Variants in TULP4 observed in about 807,000 individuals in gnomAD.
TULP4 encodes TUB like protein 4.
In TULP4, 16 loss-of-function variants were observed where a neutral mutation model predicts 129.0. The observed-to-expected ratio is 0.12, with a 90% CI of 0.08 to 0.19. The LOEUF (loss-of-function observed/expected upper bound fraction) is 0.19. Among genes scored for constraint, TULP4 ranks in the 10% least tolerant of loss-of-function variants. TULP4 has a pLI of 1.00. For synonymous variants in TULP4, 998 were observed against 854.0 expected, an observed-to-expected ratio of 1.17 and a Z score of -2.94; for missense variants, 1,842 against 2,059.1, an observed-to-expected ratio of 0.89 and a Z score of 2.04.
chr6:158,322,109 A>C (rs1402472262), intron 1 of TULP4, among the ~76,000 whole-genome samples: 1 of 152,218 alleles, frequency 6.6e-6, no homozygotes, highest in East Asian at 1.9e-4. Context: ...TTTTATTTTG[A>C]AACATTTATA....
chr6:158,271,500 A>G (rs941841713), intron 1 of TULP4, among the ~76,000 whole-genome samples: 8 of 150,924 alleles, frequency 5.3e-5, no homozygotes, highest in Admixed American at 4.0e-4. Flanking sequence ...GTGTGCCATC[A>G]TAACTTGCTG....
In TULP4 at chr6:158,452,224, A is replaced by G. The variant is rs149734049; in HGVS notation, c.815A>G (p.Asn272Ser). The G allele has an allele frequency of 4.9e-4, 786 of 1,614,092 alleles. No individual in the cohort carries two copies. Among genetic ancestry groups the G allele is most frequent in the Non-Finnish European group, 6.0e-4 (710 of 1,180,050 alleles). Reference protein sequence around the residue: ...FTSGDISLMNNYDDLSPTVIR... With the variant: ...FTSGDISLMNSYDDLSPTVIR... ...TCGGGAGACATCAGCTTAATGAACAACTACGATGACTTGTCTCCCACGGTC... is the reference window on the plus strand; with the variant it reads ...TCGGGAGACATCAGCTTAATGAACAGCTACGATGACTTGTCTCCCACGGTC... Residue 272 changes from asparagine (N) to serine (S), a missense_variant, in exon 5 of 14, where the codon AAC (asparagine) becomes AGC (serine). By Grantham distance (46) the Asn-to-Ser change is conservative. Coordinates refer to ENST00000367097, the MANE Select transcript of TULP4 (RefSeq NM_020245.5).
intron 1 of TULP4, among the ~76,000 whole-genome samples, 189 bp downstream of exon 1, chr6:158,314,457 G>A (rs1391475984): frequency 2.0e-5 from 3 of 152,210 alleles, no homozygotes; most frequent in Admixed American, 1.3e-4. Context: ...AGTAGGCTGC[G>A]CCTCCCCAGG....
At chr6:158,472,146 G>A (rs565031416) in intron 6 of TULP4, among the ~76,000 whole-genome samples, 2 of 152,128 alleles carry the variant, frequency 1.3e-5, no homozygotes, top group African/African-American at 4.8e-5. Flanking sequence ...AAACCCTCGG[G>A]GTGTTTAACA....
chr6:158,262,136 GTGCACCTCCA>G (rs1778364142), intron 1 of TULP4, among the ~76,000 whole-genome samples: 2 of 152,256 alleles, frequency 1.3e-5, no homozygotes, highest in South Asian at 4.1e-4. Context: ...TGTGGAAAGG[GTGCACCTCCA>G]TGCATATGGG....
chr6:158,348,173 G>GTTTTT (rs34217788), intron 1 of TULP4, among the ~76,000 whole-genome samples: 2,659 of 112,024 alleles, frequency 0.024, 59 homozygotes, highest in Non-Finnish European at 0.032. Context: ...TTTTTTTAAG[G>GTTTTT]TTTTTTTTTT....
At chr6:158,467,338 G>A (rs142077539) in intron 6 of TULP4, among the ~76,000 whole-genome samples, 4 of 141,680 alleles carry the variant, frequency 2.8e-5, no homozygotes, top group South Asian at 2.2e-4. Flanking sequence ...GGAGTGCAAT[G>A]TTGCGATCAG....
rs374310070 is a variant in TULP4 at position 158,501,693 on chromosome 6, G to A, written c.2030G>A (p.Gly677Asp). The A allele has an allele frequency of 4.6e-5, 74 of 1,605,132 alleles. No individual in the cohort carries two copies. Among genetic ancestry groups the A allele is most frequent in the Non-Finnish European group, 5.8e-5 (68 of 1,173,254 alleles). The change falls in exon 13 of 14, where the codon GGT (glycine) becomes GAT (aspartate). Residue 677 changes from glycine (G) to aspartate (D), a missense_variant. This residue lies in a region of TULP4 where 99 missense variants were observed against 165.1 expected (regional missense o/e 0.60). Coordinates refer to ENST00000367097, the MANE Select transcript of TULP4 (RefSeq NM_020245.5). ...EDDLPVTGAS[G>D]VPENSPPCTV... The stretch of plus-strand genomic sequence containing the variant: ...TTTCTTCCAGTGACAGGAGCATCTG[G>A]TGTCCCTGAGAACAGCCCACCTTGT...
intron 2 of TULP4, among the ~76,000 whole-genome samples, chr6:158,424,863 G>A (rs1460816400): frequency 1.3e-5 from 2 of 152,018 alleles, no homozygotes; most frequent in Non-Finnish European, 2.9e-5. Flanking sequence ...ATGCAAGTTA[G>A]ACAATGTCGG....
chr6:158,337,331 A>C (rs1024514088), intron 1 of TULP4, among the ~76,000 whole-genome samples: 1 of 151,764 alleles, frequency 6.6e-6, no homozygotes, highest in African/African-American at 2.4e-5. Flanking sequence ...GGGTTTCACC[A>C]TGTTGCCCAA....
intron 1 of TULP4, among the ~76,000 whole-genome samples, chr6:158,349,798 C>T (rs1484805841): frequency 1.1e-4 from 13 of 123,030 alleles, no homozygotes; most frequent in East Asian, 8.2e-4. Flanking sequence ...ACGGGGCGGC[C>T]GGGCAGAGGC....
chr6:158,450,599 C>T (rs1299593932), intron 4 of TULP4, among the ~76,000 whole-genome samples: 1 of 152,128 alleles, frequency 6.6e-6, no homozygotes, highest in South Asian at 2.1e-4. Context: ...CATCCCCTTT[C>T]CTAATAGGAT....
chr6:158,444,057 A>T (rs1406199619), intron 3 of TULP4, among the ~76,000 whole-genome samples: 1 of 141,936 alleles, frequency 7.0e-6, no homozygotes, highest in Non-Finnish European at 1.6e-5. Flanking sequence ...GTCTCTACTA[A>T]AAAATACAAA....
intron 1 of TULP4, among the ~76,000 whole-genome samples, chr6:158,350,014 C>A (rs1183179670): frequency 1.5e-5 from 2 of 135,196 alleles, no homozygotes; most frequent in African/African-American, 2.8e-5. Context: ...ACTTCCCAGG[C>A]GGGGCAGCCG....
At chr6:158,489,916 A>G (rs894073612) in intron 9 of TULP4, among the ~76,000 whole-genome samples, 184 bp downstream of exon 9, 3 of 152,176 alleles carry the variant, frequency 2.0e-5, no homozygotes, top group African/African-American at 7.2e-5. Context: ...TTCCTTCGGG[A>G]TAGACAAAGA....
In TULP4 at chr6:158,502,652, A is replaced by G; in HGVS notation, c.2989A>G (p.Lys997Glu). 2 of 1,574,342 alleles carry G rather than the reference A, an allele frequency of 1.3e-6. No individual in the cohort carries two copies. The highest frequency in any genetic ancestry group is 1.7e-6 in the Non-Finnish European group (2 of 1,164,012). The change falls in exon 13 of 14, where the codon AAG becomes GAG. Residue 997 changes from lysine to glutamate, a missense_variant. Coordinates refer to ENST00000367097, the MANE Select transcript of TULP4 (RefSeq NM_020245.5). ...GAGGAACAACCGTGAGGCTACGCTCAAGATGGCCCAGCTGGCCGACAGCCC... is the reference window on the plus strand; with the variant it reads ...GAGGAACAACCGTGAGGCTACGCTCGAGATGGCCCAGCTGGCCGACAGCCC... The part of the protein sequence containing the change: ...LRRNNREATL[K>E]MAQLADSPRA...
intron 1 of TULP4, among the ~76,000 whole-genome samples, chr6:158,356,024 T>C (rs1040382110): frequency 9.2e-5 from 14 of 152,172 alleles, no homozygotes; most frequent in Non-Finnish European, 1.9e-4. Flanking sequence ...ATCTTGATTG[T>C]GGTGGTAGTT....
intron 1 of TULP4, among the ~76,000 whole-genome samples, chr6:158,289,238 T>A (rs1436805673): frequency 6.6e-6 from 1 of 152,204 alleles, no homozygotes; most frequent in East Asian, 1.9e-4. Flanking sequence ...TTAAGTTTCA[T>A]GGTGTCTGTA....
intron 1 of TULP4, among the ~76,000 whole-genome samples, chr6:158,249,124 A>G (rs752682835): frequency 1.3e-5 from 2 of 151,502 alleles, no homozygotes; most frequent in Admixed American, 6.6e-5. Context: ...AGGTTGGGTC[A>G]TAGGAGAAGC....
Sources: gnomAD v4.1 joint callset for allele counts (sites outside exome capture counted in the v4.1 genomes callset) on GRCh38, gnomAD v4.1.1 for gene constraint, gnomAD v4.1.1 regional missense constraint, MANE v1.5 for transcripts, NCBI Gene and HGNC (gene_info 2026-07-23, HGNC 2026-07-21) for gene names.